The following CAAP1 variants were observed in gnomAD, a reference collection of about 807,000 sequenced individuals.
The protein encoded by CAAP1 is caspase activity and apoptosis inhibitor 1, also known as conserved anti-apoptotic protein.
A neutral mutation model predicts 34.0 loss-of-function variants in CAAP1; 20 were observed. That is an observed-to-expected ratio of 0.59 (90% CI 0.41 to 0.86). The LOEUF is 0.86. Among genes scored for constraint, CAAP1 ranks in the 40% least tolerant of loss-of-function variants. The probability of loss-of-function intolerance (pLI) is 0.00; values close to 1 mark genes in which losing one functional copy is unlikely to be tolerated. For missense variants in CAAP1, 538 were observed against 450.5 expected (o/e 1.19, Z -1.76); for synonymous variants, 213 against 166.7 (o/e 1.28, Z -2.14).
chr9:26,867,093 A>T (rs1823158081), intron 4 of CAAP1, among the ~76,000 whole-genome samples: 1 of 152,170 alleles, frequency 6.6e-6, no homozygotes, highest in Non-Finnish European at 1.5e-5. Flanking sequence ...CATGCTCCTT[A>T]TGAGAATCTA....
intron 5 of CAAP1, among the ~76,000 whole-genome samples, chr9:26,846,234 T>C (rs984889737): frequency 6.6e-6 from 1 of 151,852 alleles, no homozygotes; most frequent in African/African-American, 2.4e-5. Flanking sequence ...CTGGCCAAGA[T>C]GGTGAAACCC....
chr9:26,862,033 C>T (rs974580864), intron 4 of CAAP1, among the ~76,000 whole-genome samples: 68 of 152,148 alleles, frequency 4.5e-4, no homozygotes, highest in African/African-American at 1.5e-3. Flanking sequence ...CTAATACAAG[C>T]CCAAACTCAG....
At chr9:26,863,284 C>T (rs1369482057) in intron 4 of CAAP1, among the ~76,000 whole-genome samples, 1 of 151,996 alleles carries the variant, frequency 6.6e-6, no homozygotes, top group East Asian at 1.9e-4. Flanking sequence ...TTTACACCAC[C>T]CTGTGGCAGA....
chr9:26,858,903 C>T (rs952972190), intron 5 of CAAP1, among the ~76,000 whole-genome samples: 1 of 142,108 alleles, frequency 7.0e-6, no homozygotes, highest in South Asian at 2.2e-4. Flanking sequence ...GAGGCTGAGG[C>T]AGGAGAATGG....
At chr9:26,846,711 G>C (rs1822618506) in intron 5 of CAAP1, among the ~76,000 whole-genome samples, 1 of 151,432 alleles carries the variant, frequency 6.6e-6, no homozygotes, top group Admixed American at 6.6e-5. Context: ...TTTTGAGACA[G>C]AGTTGCACTC....
At chr9:26,864,746 T>C (rs1270339245) in intron 4 of CAAP1, among the ~76,000 whole-genome samples, 1 of 152,242 alleles carries the variant, frequency 6.6e-6, no homozygotes, top group Non-Finnish European at 1.5e-5. Context: ...TTTAATGTCC[T>C]TTCCAACTTC....
At chr9:26,889,577 G>T (rs537974733) in intron 1 of CAAP1, among the ~76,000 whole-genome samples, 2 of 151,748 alleles carry the variant, frequency 1.3e-5, no homozygotes, top group African/African-American at 4.8e-5. Context: ...GAACTCGGCC[G>T]GGCAGAGTGG....
chr9:26,883,051 A>G (rs1823636579), intron 4 of CAAP1, among the ~76,000 whole-genome samples: 1 of 152,096 alleles, frequency 6.6e-6, no homozygotes, highest in African/African-American at 2.4e-5. Flanking sequence ...TCATAGGCGG[A>G]AGGGACTTGC....
chr9:26,847,144 C>T (rs989348575), intron 5 of CAAP1, among the ~76,000 whole-genome samples: 1 of 138,518 alleles, frequency 7.2e-6, no homozygotes, highest in Non-Finnish European at 1.5e-5. Flanking sequence ...AATGTACTAG[C>T]TTCTTTTATA....
chr9:26,891,197 A>C (rs1299017683), intron 1 of CAAP1, among the ~76,000 whole-genome samples: 4 of 152,248 alleles, frequency 2.6e-5, no homozygotes, highest in Non-Finnish European at 5.9e-5. Flanking sequence ...GAGAATAATG[A>C]GCAGAGGATA....
At chr9:26,879,906 C>T (rs535121862) in intron 4 of CAAP1, among the ~76,000 whole-genome samples, 7 of 152,302 alleles carry the variant, frequency 4.6e-5, no homozygotes, top group Non-Finnish European at 1.0e-4. Flanking sequence ...TGCTTCTCAA[C>T]CTGCAGACAG....
intron 5 of CAAP1, among the ~76,000 whole-genome samples, chr9:26,848,338 C>A (rs1822664784): frequency 6.6e-6 from 1 of 151,972 alleles, no homozygotes; most frequent in African/African-American, 2.4e-5. Flanking sequence ...ACAGTGAAGC[C>A]CCGTCTCTAC....
chr9:26,869,119 A>G (rs1251765718), intron 4 of CAAP1, among the ~76,000 whole-genome samples: 1 of 152,170 alleles, frequency 6.6e-6, no homozygotes, highest in Non-Finnish European at 1.5e-5. Flanking sequence ...TTAGATCTAG[A>G]TGACAGGTAT....
chr9:26,886,001 T>A, intron 3 of CAAP1, 103 bp downstream of exon 3: 2 of 496,186 alleles, frequency 4.0e-6, no homozygotes, highest in Non-Finnish European at 7.0e-6. Flanking sequence ...AACAACCCAA[T>A]AATGAAATTA....
intron 3 of CAAP1, among the ~76,000 whole-genome samples, chr9:26,885,332 C>T (rs912921462): frequency 1.3e-5 from 2 of 152,124 alleles, no homozygotes; most frequent in African/African-American, 4.8e-5. Context: ...GCCTCAGCCT[C>T]CCAAAGTGCT....
chr9:26,843,835 C>T (rs1289649470), intron 5 of CAAP1, among the ~76,000 whole-genome samples: 2 of 152,064 alleles, frequency 1.3e-5, no homozygotes, highest in Non-Finnish European at 2.9e-5. Flanking sequence ...TGAAAAACCA[C>T]CCCCATTCCA....
chr9:26,846,285 C>T (rs1008091629), intron 5 of CAAP1, among the ~76,000 whole-genome samples: 4 of 151,718 alleles, frequency 2.6e-5, no homozygotes, highest in South Asian at 2.1e-4. Context: ...AGCGTGGTGG[C>T]GGGTGCCTGT....
chr9:26,881,273 CGTT>C (rs1475877268), intron 4 of CAAP1, among the ~76,000 whole-genome samples: 7 of 152,284 alleles, frequency 4.6e-5, no homozygotes, highest in East Asian at 3.9e-4. Context: ...CATGCACAGT[CGTT>C]GTTGTAATCG....
chr9:26,859,870 G>C (rs918740424), intron 5 of CAAP1, among the ~76,000 whole-genome samples: 7 of 152,116 alleles, frequency 4.6e-5, no homozygotes, highest in Admixed American at 4.6e-4. Context: ...AAATAAATCA[G>C]AATTACAGAA....
Sources: gnomAD v4.1 joint callset for allele counts (sites outside exome capture counted in the v4.1 genomes callset) on GRCh38, gnomAD v4.1.1 for gene constraint, MANE v1.5 for transcripts, NCBI Gene and HGNC (gene_info 2026-07-23, HGNC 2026-07-21) for gene names.